CHCHD3: variants seen among roughly 807,000 people sequenced by gnomAD.
The protein encoded by CHCHD3 is coiled-coil-helix-coiled-coil-helix domain containing 3, also known as MICOS complex subunit MIC19.
CHCHD3 carries 20 observed loss-of-function variants against 38.2 expected under a neutral mutation model. The observed-to-expected ratio is 0.52, with a 90% CI of 0.37 to 0.76. The LOEUF is 0.76. Among genes scored for constraint, CHCHD3 ranks in the 30% least tolerant of loss-of-function variants. The pLI is 0.00. For missense variants in CHCHD3, 245 were observed against 279.2 expected (o/e 0.88, Z 0.87); for synonymous variants, 82 against 100.0 (o/e 0.82, Z 1.07).
At chr7:132,791,504 T>A (rs1459498500) in intron 7 of CHCHD3, among the ~76,000 whole-genome samples, 1 of 152,236 alleles carries the variant, frequency 6.6e-6, no homozygotes. Flanking sequence ...CTGAAAACAA[T>A]GATAACATAC....
chr7:133,072,655 T>G (rs966119519), intron 1 of CHCHD3, among the ~76,000 whole-genome samples: 1 of 151,894 alleles, frequency 6.6e-6, no homozygotes, highest in South Asian at 2.1e-4. Context: ...CTGGCTAACA[T>G]GGTGAAACCC....
chr7:132,919,407 G>A (rs1473362220), intron 4 of CHCHD3, among the ~76,000 whole-genome samples: 3 of 151,992 alleles, frequency 2.0e-5, no homozygotes, highest in African/African-American at 4.8e-5. Flanking sequence ...CACTGTGCCC[G>A]GCCATAGTTG....
chr7:132,953,871 G>A (rs765307630), intron 4 of CHCHD3, among the ~76,000 whole-genome samples: 14 of 152,122 alleles, frequency 9.2e-5, no homozygotes, highest in African/African-American at 2.4e-4. Flanking sequence ...TGTTGTCTCC[G>A]TATAATTAAC....
chr7:132,932,511 T>C (rs539137223), intron 4 of CHCHD3, among the ~76,000 whole-genome samples: 6 of 152,324 alleles, frequency 3.9e-5, no homozygotes, highest in African/African-American at 1.4e-4. Flanking sequence ...CTTATTGGCC[T>C]ACGCAACTTG....
chr7:132,935,201 A>G (rs566494683), intron 4 of CHCHD3, among the ~76,000 whole-genome samples: 189 of 152,300 alleles, frequency 1.2e-3, no homozygotes, highest in Non-Finnish European at 2.2e-3. Context: ...AAAACTAACA[A>G]AATTAGAAGT....
chr7:132,813,111 T>A (rs1807113276), intron 6 of CHCHD3, among the ~76,000 whole-genome samples: 1 of 152,208 alleles, frequency 6.6e-6, no homozygotes. Context: ...TTCCCAGTGC[T>A]TGTCACATCT....
chr7:132,945,122 T>C (rs573211955), intron 4 of CHCHD3, among the ~76,000 whole-genome samples: 9 of 152,120 alleles, frequency 5.9e-5, no homozygotes, highest in African/African-American at 2.2e-4. Context: ...TAGTACTTCC[T>C]GAAAAATATA....
intron 4 of CHCHD3, among the ~76,000 whole-genome samples, chr7:132,963,505 G>T (rs908892678): frequency 4.6e-5 from 7 of 151,180 alleles, no homozygotes; most frequent in African/African-American, 7.3e-5. Context: ...GGTAATGGGC[G>T]CCTGTAGTCC....
At chr7:132,973,841 C>T (rs1179531868) in intron 4 of CHCHD3, 7 of 1,117,806 alleles carry the variant, frequency 6.3e-6, no homozygotes, top group Non-Finnish European at 7.7e-6. Flanking sequence ...TAGGAAAATC[C>T]CCCTCACTCT....
intron 6 of CHCHD3, among the ~76,000 whole-genome samples, chr7:132,804,773 G>A (rs1185792958): frequency 6.6e-6 from 1 of 152,184 alleles, no homozygotes; most frequent in Non-Finnish European, 1.5e-5. Flanking sequence ...TGGAAGGACT[G>A]TGTCTGGCTC....
intron 2 of CHCHD3, among the ~76,000 whole-genome samples, chr7:133,043,271 CTA>C (rs770331141): frequency 1.3e-5 from 2 of 152,088 alleles, no homozygotes; most frequent in Non-Finnish European, 2.9e-5. Flanking sequence ...AAATATGACA[CTA>C]TATTGTATTT....
At chr7:132,981,665 G>C (rs1382730702) in intron 3 of CHCHD3, among the ~76,000 whole-genome samples, 1 of 152,124 alleles carries the variant, frequency 6.6e-6, no homozygotes, top group Non-Finnish European at 1.5e-5. Flanking sequence ...CAAATACTCA[G>C]ATTTATCTTC....
At chr7:133,048,774 G>A (rs1448147958) in intron 2 of CHCHD3, among the ~76,000 whole-genome samples, 3 of 152,112 alleles carry the variant, frequency 2.0e-5, no homozygotes, top group Non-Finnish European at 4.4e-5. Flanking sequence ...CCCCCCAAGC[G>A]GGCCGCAAAA....
intron 3 of CHCHD3, among the ~76,000 whole-genome samples, chr7:132,980,749 T>C (rs950873419): frequency 1.3e-5 from 2 of 152,140 alleles, no homozygotes; most frequent in Non-Finnish European, 2.9e-5. Flanking sequence ...ACATGTCCTT[T>C]TAAATGGGAA....
At chr7:132,858,044 G>T (rs1334788732) in intron 5 of CHCHD3, among the ~76,000 whole-genome samples, 1 of 152,040 alleles carries the variant, frequency 6.6e-6, no homozygotes, top group Non-Finnish European at 1.5e-5. Flanking sequence ...GGCTTTCTTC[G>T]ATTCTTTTTC....
chr7:132,824,459 C>G (rs1807458541), intron 6 of CHCHD3, among the ~76,000 whole-genome samples: 1 of 151,826 alleles, frequency 6.6e-6, no homozygotes, highest in Admixed American at 6.6e-5. Context: ...GCTGGGACAA[C>G]AGGTGCCCGC....
At chr7:132,914,887 C>T (rs980999633) in intron 4 of CHCHD3, among the ~76,000 whole-genome samples, 4 of 152,124 alleles carry the variant, frequency 2.6e-5, no homozygotes, top group African/African-American at 7.2e-5. Flanking sequence ...AGAGGCTAGG[C>T]GTGGTGGCCC....
chr7:133,020,801 A>G (rs1476959893), intron 3 of CHCHD3, among the ~76,000 whole-genome samples: 1 of 152,230 alleles, frequency 6.6e-6, no homozygotes, highest in Non-Finnish European at 1.5e-5. Flanking sequence ...TATTGTGTGG[A>G]AAAACAAAGA....
intron 2 of CHCHD3, among the ~76,000 whole-genome samples, chr7:133,060,370 G>A (rs1177651383): frequency 1.3e-5 from 2 of 152,142 alleles, no homozygotes; most frequent in South Asian, 2.1e-4. Context: ...GTGTGTAACG[G>A]GCAATGGCAG....
Sources: gnomAD v4.1 joint callset for allele counts (sites outside exome capture counted in the v4.1 genomes callset) on GRCh38, gnomAD v4.1.1 for gene constraint, MANE v1.5 for transcripts, NCBI Gene and HGNC (gene_info 2026-07-23, HGNC 2026-07-21) for gene names.